Variants in CTNNA3 observed in about 807,000 individuals in gnomAD.
CTNNA3 encodes the protein catenin alpha 3, also known as catenin alpha-3.
A neutral mutation model predicts 95.7 loss-of-function variants in CTNNA3; 76 were observed. The observed-to-expected ratio is 0.79, with a 90% CI of 0.66 to 0.96. The LOEUF (loss-of-function observed/expected upper bound fraction) is 0.96. Ranked by LOEUF, CTNNA3 falls within the 40% of genes least tolerant of loss-of-function variation. CTNNA3 has a pLI of 0.00. For synonymous variants in CTNNA3, 431 were observed against 374.4 expected, an observed-to-expected ratio of 1.15 and a Z score of -1.74; for missense variants, 1,191 against 1,089.8, an observed-to-expected ratio of 1.09 and a Z score of -1.31.
At chr10:66,200,187 T>C (rs1386421232) in intron 13 of CTNNA3, among the ~76,000 whole-genome samples, 2 of 144,726 alleles carry the variant, frequency 1.4e-5, no homozygotes, top group Admixed American at 7.1e-5. Context: ...AGAAATCGCC[T>C]GAAAGTGGTT....
chr10:67,285,875 C>G (rs771446715), intron 5 of CTNNA3, among the ~76,000 whole-genome samples: 15 of 152,050 alleles, frequency 9.9e-5, no homozygotes, highest in Non-Finnish European at 2.1e-4. Context: ...GAAAAAACAC[C>G]AGGCAATCAG....
rs141460405 is a variant in CTNNA3 at position 66,837,010 on chromosome 10, G to A, written c.1048-61486C>T. ...TAACTAGCCTTTGAATAATCAAAAG[G>A]TGACTGTAAAAGTGAAATCTGCTTC... On this transcript the variant is annotated intron_variant, in intron 7 of 17. Transcript: ENST00000433211. Among the ~76,000 whole-genome samples the A allele has an allele frequency of 2.0e-3, 309 of 152,084 alleles. 2 individuals carry two copies. Among genetic ancestry groups the A allele is most frequent in the African/African-American group, 7.2e-3 (298 of 41,482 alleles).
chr10:66,608,840 A>G (rs1249840808), intron 10 of CTNNA3, among the ~76,000 whole-genome samples: 1 of 152,162 alleles, frequency 6.6e-6, no homozygotes, highest in African/African-American at 2.4e-5. Context: ...AAAACCCTGG[A>G]AGACAACCTA....
intron 1 of CTNNA3, among the ~76,000 whole-genome samples, chr10:67,718,437 T>G (rs981075455): frequency 2.0e-5 from 3 of 152,228 alleles, no homozygotes; most frequent in Admixed American, 2.0e-4. Flanking sequence ...AGAATGATAC[T>G]GACTGTGGGT....
At chr10:66,033,257 A>G (rs1171709996) in intron 15 of CTNNA3, among the ~76,000 whole-genome samples, 1 of 150,660 alleles carries the variant, frequency 6.6e-6, no homozygotes, top group Non-Finnish European at 1.5e-5. Context: ...CAGCCTCCCA[A>G]GTAGCTGGGA....
At chr10:66,650,823 C>T (rs770893798) in intron 9 of CTNNA3, among the ~76,000 whole-genome samples, 6 of 152,136 alleles carry the variant, frequency 3.9e-5, no homozygotes, top group Non-Finnish European at 8.8e-5. Context: ...AGCTGCAGAC[C>T]TTCACAGTGA....
At chr10:66,788,393 G>T (rs1228367706) in intron 7 of CTNNA3, among the ~76,000 whole-genome samples, 2 of 152,150 alleles carry the variant, frequency 1.3e-5, no homozygotes, top group African/African-American at 4.8e-5. Flanking sequence ...ATGAAGCACA[G>T]CCCAGTTGCA....
chr10:66,335,897 C>T (rs1018308917), intron 12 of CTNNA3, among the ~76,000 whole-genome samples: 17 of 152,222 alleles, frequency 1.1e-4, no homozygotes, highest in African/African-American at 2.9e-4. Flanking sequence ...GCTTCCCAGC[C>T]GCTTTGTTTA....
At chr10:66,116,421 T>G (rs2082342671) in intron 13 of CTNNA3, among the ~76,000 whole-genome samples, 1 of 152,200 alleles carries the variant, frequency 6.6e-6, no homozygotes, top group South Asian at 2.1e-4. Context: ...CACACAGACT[T>G]GTATACAAAT....
At chr10:67,210,331 G>A (rs1219204214) in intron 6 of CTNNA3, among the ~76,000 whole-genome samples, 3 of 151,846 alleles carry the variant, frequency 2.0e-5, no homozygotes, top group Non-Finnish European at 4.4e-5. Context: ...AATAAAAGCA[G>A]AATCTAGTAA....
intron 15 of CTNNA3, among the ~76,000 whole-genome samples, chr10:66,061,818 G>T (rs1417699771): frequency 6.6e-6 from 1 of 151,976 alleles, no homozygotes; most frequent in Non-Finnish European, 1.5e-5. Context: ...TTTTTCTTCT[G>T]TGCTTATTCT....
At chr10:67,244,928 T>G (rs1865853789) in intron 5 of CTNNA3, among the ~76,000 whole-genome samples, 1 of 152,202 alleles carries the variant, frequency 6.6e-6, no homozygotes, top group Admixed American at 6.5e-5. Flanking sequence ...CCAAACACTT[T>G]GTTGTCATCT....
At chr10:66,488,792 T>C (rs996909880) in intron 11 of CTNNA3, among the ~76,000 whole-genome samples, 8 of 152,088 alleles carry the variant, frequency 5.3e-5, no homozygotes, top group Non-Finnish European at 7.4e-5. Flanking sequence ...TTTTTTTTAA[T>C]TGATCATGCC....
At position 67,283,701 on chromosome 10, in the gene CTNNA3, CT is replaced by C. The variant is rs371805027; in HGVS notation, c.580-63832del. Among the ~76,000 whole-genome samples, 346 of 152,254 alleles carry C rather than the reference CT, an allele frequency of 2.3e-3. 2 individuals are homozygous for C. The highest frequency in any genetic ancestry group is 7.9e-3 in the African/African-American group (330 of 41,546). ...AAATGTACTTTACTTCCTGTCATTC[CT>C]GCTCTAAAACTTTTTAATAAACTTT... On this transcript the variant is annotated intron_variant, in intron 5 of 17. Transcript: ENST00000433211.
intron 9 of CTNNA3, among the ~76,000 whole-genome samples, chr10:66,653,047 G>C (rs1845963405): frequency 6.6e-6 from 1 of 152,040 alleles, no homozygotes; most frequent in African/African-American, 2.4e-5. Flanking sequence ...ATGCCTCTAA[G>C]ATTAGGAATA....
Position 65,913,478 on chromosome 10 carries a change from C to T in CTNNA3, c.*6852G>A, listed in dbSNP as rs990560776. 1.3e-5 allele frequency: 2 copies of T among 152,062 alleles called. No individual in the cohort carries two copies. Among genetic ancestry groups the T allele is most frequent in the African/African-American group, 4.8e-5 (2 of 41,394 alleles). 9.4% of individuals were successfully genotyped at this position (152,062 alleles called of 1,614,324 possible). A position where few individuals can be genotyped will look rare whatever the true frequency, so the allele number is the denominator to read the frequency against. On this transcript the variant is annotated 3_prime_UTR_variant, in exon 18 of 18. Transcript: ENST00000433211. ...TCTAAGGAAATTTTCTTTGGAGGGA[C>T]TGTACCACATGAGAAAAATTTGCAA...
intron 7 of CTNNA3, among the ~76,000 whole-genome samples, chr10:67,067,726 A>G (rs985739338): frequency 3.9e-5 from 6 of 152,234 alleles, no homozygotes; most frequent in African/African-American, 1.2e-4. Context: ...GACTAAGCTC[A>G]ATTATCCTAT....
At chr10:66,019,581 C>A (rs939323454) in intron 15 of CTNNA3, among the ~76,000 whole-genome samples, 4 of 151,978 alleles carry the variant, frequency 2.6e-5, no homozygotes, top group African/African-American at 9.7e-5. Context: ...ATAAAAAAAT[C>A]TGTTGCTGAA....
intron 12 of CTNNA3, among the ~76,000 whole-genome samples, chr10:66,323,441 C>T (rs1028622803): frequency 1.6e-4 from 24 of 151,790 alleles, no homozygotes; most frequent in African/African-American, 3.1e-4. Context: ...GTCAAGAGTT[C>T]GAGACCAGCC....
Sources: allele counts gnomAD v4.1 joint callset (sites outside exome capture counted in the v4.1 genomes callset), GRCh38; gene constraint gnomAD v4.1.1; transcripts MANE v1.5; gene names NCBI Gene and HGNC (gene_info 2026-07-23, HGNC 2026-07-21).